ASAP3: variants seen among roughly 807,000 people sequenced by gnomAD.
ASAP3 encodes ArfGAP with SH3 domain, ankyrin repeat and PH domain 3.
Under a neutral mutation model 118.2 loss-of-function variants are expected in ASAP3, and 85 were observed. The ratio of observed to expected loss-of-function variants is 0.72; its 90% CI spans 0.60 to 0.86. The LOEUF (loss-of-function observed/expected upper bound fraction) is 0.86. Ranked by LOEUF, ASAP3 falls within the 40% of genes least tolerant of loss-of-function variation. The pLI is 0.00. For synonymous variants in ASAP3, 432 were observed against 477.4 expected (o/e 0.90, Z 1.24); for missense variants, 1,026 against 1,175.0 (o/e 0.87, Z 1.85).
At chr1:23,471,509 A>G (rs1324619178) in intron 1 of ASAP3, among the ~76,000 whole-genome samples, 2 of 152,234 alleles carry the variant, frequency 1.3e-5, no homozygotes, top group Non-Finnish European at 2.9e-5. Flanking sequence ...CATGTGTGGA[A>G]TGAATGAATG....
chr1:23,481,910 T>C (rs79445516), intron 1 of ASAP3, among the ~76,000 whole-genome samples: 7 of 152,296 alleles, frequency 4.6e-5, no homozygotes, highest in African/African-American at 1.7e-4. Context: ...TTCTGGGTCA[T>C]GAAATGTGAG....
intron 23 of ASAP3, 81 bp downstream of exon 23, chr1:23,431,615 C>A (rs1640432702): frequency 1.5e-6 from 2 of 1,291,246 alleles, no homozygotes; most frequent in Admixed American, 5.2e-5. Flanking sequence ...TAGGCAGGTA[C>A]TATTTAGAGG....
chr1:23,472,120 T>A (rs1283571020), intron 1 of ASAP3, among the ~76,000 whole-genome samples: 1 of 152,190 alleles, frequency 6.6e-6, no homozygotes. Context: ...ACAGGGTTTC[T>A]TTTTGGGATG....
chr1:23,456,097 C>T (rs759320605), intron 2 of ASAP3, 25 bp downstream of exon 2: 11 of 1,613,804 alleles, frequency 6.8e-6, no homozygotes, highest in East Asian at 2.2e-5. Flanking sequence ...CCTGACCAGG[C>T]GGGGCACCCA....
intron 1 of ASAP3, among the ~76,000 whole-genome samples, chr1:23,483,447 A>G (rs568116845): frequency 6.6e-6 from 1 of 152,232 alleles, no homozygotes; most frequent in East Asian, 1.9e-4. Context: ...CAAAGAGGAG[A>G]GGGGAGGGGA....
intron 1 of ASAP3, among the ~76,000 whole-genome samples, chr1:23,473,317 G>T (rs976061761): frequency 6.6e-6 from 1 of 152,176 alleles, no homozygotes; most frequent in Non-Finnish European, 1.5e-5. Context: ...CTCTTTCAAG[G>T]TCTAAAACCA....
rs150694467 is a variant in ASAP3, at chr1:23,439,185, G to A, written c.990C>T (p.Gly330=). Residue 330 remains glycine, a synonymous_variant, in exon 11 of 25, where the codon GGC becomes GGT. Coordinates refer to ENST00000336689, the MANE Select transcript of ASAP3 (RefSeq NM_017707.4). ...WQKRKCGVKY[G]CLTISHSTIN... Reference sequence around the variant, plus strand: ...CCGTGCTGTGTGAGATGGTCAGGCAGCCATACTTGACTCCACACTTCCTTT... The same window carrying A: ...CCGTGCTGTGTGAGATGGTCAGGCAACCATACTTGACTCCACACTTCCTTT... The A allele has an allele frequency of 2.5e-6, 4 of 1,614,116 alleles. No homozygotes were observed. Among genetic ancestry groups the A allele is most frequent in the Non-Finnish European group, 2.5e-6 (3 of 1,180,014 alleles).
intron 1 of ASAP3, among the ~76,000 whole-genome samples, chr1:23,459,644 G>A (rs1042296114): frequency 2.0e-5 from 3 of 152,228 alleles, no homozygotes; most frequent in African/African-American, 7.2e-5. Flanking sequence ...TGTGTAGAAA[G>A]ACATGAACAA....
At chr1:23,466,124 G>A (rs184667345) in intron 1 of ASAP3, among the ~76,000 whole-genome samples, 2 of 152,300 alleles carry the variant, frequency 1.3e-5, no homozygotes, top group African/African-American at 4.8e-5. Context: ...CCTCAGAGAG[G>A]ATTCCCAGGA....
In ASAP3 at chr1:23,459,347, A is replaced by C. The variant is rs548000431; in HGVS notation, c.130-3153T>G. Among the ~76,000 whole-genome samples the C allele has an allele frequency of 4.1e-4, 62 of 152,242 alleles. 1 individual carries two copies. The highest frequency in any genetic ancestry group is 6.6e-4 in the Non-Finnish European group (45 of 68,020). On this transcript the variant is annotated intron_variant, in intron 1 of 24. Transcript: ENST00000336689. ...TGAGAGGAGTATGTTCATGCTCTAGATACATTCTGAGGAGTCTTCCCATCC... is the reference window on the plus strand; with the variant it reads ...TGAGAGGAGTATGTTCATGCTCTAGCTACATTCTGAGGAGTCTTCCCATCC...
rs543291814 is a variant in ASAP3, at chr1:23,481,143, A to G, written c.129+2862T>C. Among the ~76,000 whole-genome samples the G allele has an allele frequency of 2.6e-5, 4 of 152,222 alleles. No homozygotes were observed. The South Asian group carries it at 8.3e-4, about 32-fold the overall frequency. The stretch of plus-strand genomic sequence containing the variant: ...GGCCTCTCTGGACATCAGTTACTCC[A>G]TCTTATCTGAGAGAGTTTCTAGCTG... On this transcript the variant is annotated intron_variant, in intron 1 of 24. Transcript: ENST00000336689.
intron 1 of ASAP3, among the ~76,000 whole-genome samples, 156 bp downstream of exon 1, chr1:23,483,849 C>A (rs1326720470): frequency 6.6e-6 from 1 of 152,190 alleles, no homozygotes; most frequent in Admixed American, 6.5e-5. Context: ...GGTGAGGACG[C>A]AGCTGTTGGA....
Position 23,461,923 on chromosome 1 carries a change from T to A in ASAP3, c.130-5729A>T, listed in dbSNP as rs76531708. On this transcript the variant is annotated intron_variant, in intron 1 of 24. Coordinates refer to ENST00000336689, the MANE Select transcript of ASAP3 (RefSeq NM_017707.4). ...TTAATATGAAAGAGAAATCTCTTAT[T>A]TGAGCCACTGTTATACTGGGTATTC... Among the ~76,000 whole-genome samples the A allele has an allele frequency of 8.1e-4, 123 of 152,334 alleles. No homozygotes were observed. In the East Asian group the frequency reaches 0.02, roughly 24 times the overall value.
At chr1:23,465,517 G>A (rs977672908) in intron 1 of ASAP3, among the ~76,000 whole-genome samples, 4 of 147,564 alleles carry the variant, frequency 2.7e-5, no homozygotes, top group African/African-American at 5.0e-5. Context: ...TTTTTTTTTG[G>A]GGGGGGGATA....
At chr1:23,442,153 G>T in intron 7 of ASAP3, 33 bp downstream of exon 7, 1 of 1,569,022 alleles carries the variant, frequency 6.4e-7, no homozygotes, top group Non-Finnish European at 8.7e-7. Context: ...GACACTGGAA[G>T]GGTTAGTGGC....
chr1:23,479,873 C>T (rs1044032008), intron 1 of ASAP3: 3 of 152,166 alleles, frequency 2.0e-5, no homozygotes, highest in South Asian at 2.1e-4. Context: ...TTTTAAATTA[C>T]TTATTACAAA....
In ASAP3 at chr1:23,436,754, C is replaced by A. The variant is rs1490827894; in HGVS notation, c.1477-100G>T. The A allele has an allele frequency of 7.1e-6, 11 of 1,559,692 alleles. No homozygotes were observed. In the Admixed American group the frequency reaches 2.0e-4, roughly 28 times the overall value. On this transcript the variant is annotated intron_variant, in intron 15 of 24. Transcript: ENST00000336689. The surrounding 1 kb of genome is among the most constrained non-coding windows in gnomAD (Gnocchi z 4.2). Reference sequence around the variant, plus strand: ...CCCCCAGAGTCCCGCCCCTCGGCCGCCCTCCCGGTTCAGGCCCCGCCCCTG... The same window carrying A: ...CCCCCAGAGTCCCGCCCCTCGGCCGACCTCCCGGTTCAGGCCCCGCCCCTG...
chr1:23,454,672 G>A (rs916326229), intron 3 of ASAP3, among the ~76,000 whole-genome samples: 1 of 152,186 alleles, frequency 6.6e-6, no homozygotes, highest in Non-Finnish European at 1.5e-5. Context: ...GCACAGCTAT[G>A]CCAAGAGCTA....
intron 1 of ASAP3, among the ~76,000 whole-genome samples, chr1:23,466,723 C>G (rs1641780155): frequency 6.6e-6 from 1 of 152,218 alleles, no homozygotes; most frequent in African/African-American, 2.4e-5. Flanking sequence ...CAAGGCAACT[C>G]AAGCCAAGGG....
Sources: gnomAD v4.1 joint callset for allele counts (sites outside exome capture counted in the v4.1 genomes callset) on GRCh38, gnomAD v4.1.1 for gene constraint, Gnocchi (gnomAD v3.1) non-coding constraint, MANE v1.5 for transcripts, NCBI Gene and HGNC (gene_info 2026-07-23, HGNC 2026-07-21) for gene names.